ITGBL1: variants seen among roughly 807,000 people sequenced by gnomAD.
ITGBL1 encodes the protein integrin beta-like protein 1.
In ITGBL1, 51 loss-of-function variants were observed where a neutral mutation model predicts 68.5. The ratio of observed to expected loss-of-function variants is 0.74; its 90% CI spans 0.59 to 0.94. The LOEUF (loss-of-function observed/expected upper bound fraction) is 0.94. ITGBL1 is among the 40% of genes least tolerant of loss of function. The pLI is 0.00. For synonymous variants in ITGBL1, 209 were observed against 227.3 expected (o/e 0.92, Z 0.72); for missense variants, 649 against 647.4 (o/e 1.00, Z -0.03).
intron 7 of ITGBL1, among the ~76,000 whole-genome samples, chr13:101,625,360 A>T (rs1424772693): frequency 6.6e-6 from 1 of 152,176 alleles, no homozygotes; most frequent in Non-Finnish European, 1.5e-5. Flanking sequence ...AAGCCTTCGT[A>T]TGTCTTTGCT....
chr13:101,572,175 G>A (rs116588036), intron 3 of ITGBL1, among the ~76,000 whole-genome samples: 154 of 152,086 alleles, frequency 1.0e-3, no homozygotes, highest in African/African-American at 3.5e-3. Context: ...TCCACCCTCC[G>A]AGTTCAGGAC....
At chr13:101,474,864 G>A (rs753372915) in intron 2 of ITGBL1, among the ~76,000 whole-genome samples, 3 of 152,194 alleles carry the variant, frequency 2.0e-5, no homozygotes, top group Non-Finnish European at 4.4e-5. Context: ...CGGCATTACT[G>A]GGCTTGGGGT....
chr13:101,479,854 T>G (rs916647109), intron 2 of ITGBL1, among the ~76,000 whole-genome samples: 3 of 152,060 alleles, frequency 2.0e-5, no homozygotes, highest in African/African-American at 7.2e-5. Context: ...GGAACCCTCT[T>G]ACAGTGTTGG....
At chr13:101,541,574 A>G (rs368881139) in intron 2 of ITGBL1, among the ~76,000 whole-genome samples, 6 of 152,228 alleles carry the variant, frequency 3.9e-5, no homozygotes, top group South Asian at 4.1e-4. Flanking sequence ...CTCATAAAAT[A>G]AGTTAGGGAG....
chr13:101,674,604 A>AT (rs879725232), intron 7 of ITGBL1, among the ~76,000 whole-genome samples: 3 of 151,496 alleles, frequency 2.0e-5, no homozygotes, highest in East Asian at 1.9e-4. Flanking sequence ...TGTTGAGATA[A>AT]TTTTTTTTTC....
intron 7 of ITGBL1, among the ~76,000 whole-genome samples, chr13:101,691,524 A>G (rs1003834282): frequency 6.6e-6 from 1 of 152,188 alleles, no homozygotes; most frequent in African/African-American, 2.4e-5. Context: ...TCTTGTGATT[A>G]TTTCAGTGGG....
intron 2 of ITGBL1, among the ~76,000 whole-genome samples, chr13:101,540,559 C>T (rs191276844): frequency 0.012 from 1,847 of 152,162 alleles, 44 homozygotes; most frequent in African/African-American, 0.042. Context: ...TCCATATGAA[C>T]TTTAAAGTAG....
intron 7 of ITGBL1, among the ~76,000 whole-genome samples, chr13:101,622,911 A>ATGTGTGTGTGTGTG (rs756971096): frequency 1.5e-4 from 17 of 115,044 alleles, no homozygotes; most frequent in South Asian, 7.7e-4. Context: ...TGTGTGGGGT[A>ATGTGTGTGTGTGTG]TGTATGTGTG....
chr13:101,645,555 A>T (rs1418430774), intron 7 of ITGBL1, among the ~76,000 whole-genome samples: 2 of 152,162 alleles, frequency 1.3e-5, no homozygotes, highest in Admixed American at 1.3e-4. Context: ...GGCAACTAGC[A>T]TTCTCATTGC....
At chr13:101,509,203 T>C (rs1378782440) in intron 2 of ITGBL1, among the ~76,000 whole-genome samples, 2 of 152,052 alleles carry the variant, frequency 1.3e-5, no homozygotes, top group African/African-American at 4.8e-5. Flanking sequence ...AGAGAGTTGT[T>C]CATGGAAACT....
intron 7 of ITGBL1, among the ~76,000 whole-genome samples, chr13:101,620,021 T>C (rs181750967): frequency 2.0e-3 from 307 of 152,288 alleles, no homozygotes; most frequent in Non-Finnish European, 3.1e-3. Context: ...TTTTAATGAT[T>C]ACACATTAAC....
At chr13:101,689,046 A>G (rs1233907710) in intron 7 of ITGBL1, among the ~76,000 whole-genome samples, 2 of 32,224 alleles carry the variant, frequency 6.2e-5, no homozygotes, top group East Asian at 2.6e-3. Context: ...AAAAATAGAA[A>G]AAAAAAAAAT....
At chr13:101,576,768 T>G (rs1471962162) in intron 4 of ITGBL1, among the ~76,000 whole-genome samples, 1 of 152,138 alleles carries the variant, frequency 6.6e-6, no homozygotes, top group East Asian at 1.9e-4. Context: ...ACAAACTACC[T>G]GGATAAAACA....
chr13:101,488,626 T>TA (rs1274483929), intron 2 of ITGBL1, among the ~76,000 whole-genome samples: 1 of 152,216 alleles, frequency 6.6e-6, no homozygotes, highest in East Asian at 1.9e-4. Context: ...ACTGAGCATG[T>TA]ACTGTGTGCT....
At chr13:101,529,421 T>C (rs896155280) in intron 2 of ITGBL1, among the ~76,000 whole-genome samples, 1 of 152,106 alleles carries the variant, frequency 6.6e-6, no homozygotes, top group Non-Finnish European at 1.5e-5. Context: ...AAATATGTTC[T>C]AATAAAACTA....
intron 7 of ITGBL1, among the ~76,000 whole-genome samples, chr13:101,619,956 C>T (rs191795515): frequency 4.8e-4 from 73 of 152,124 alleles, no homozygotes; most frequent in Admixed American, 2.2e-3. Context: ...ACTCGTTGCA[C>T]CTATTTGAAG....
At chr13:101,595,702 G>T (rs1339727217) in intron 6 of ITGBL1, among the ~76,000 whole-genome samples, 1 of 152,156 alleles carries the variant, frequency 6.6e-6, no homozygotes, top group Non-Finnish European at 1.5e-5. Flanking sequence ...AAAGATAGAT[G>T]TTGGCAGGGT....
At chr13:101,622,944 T>TGTGTGTGTG (rs1594937161) in intron 7 of ITGBL1, among the ~76,000 whole-genome samples, 4 of 151,218 alleles carry the variant, frequency 2.6e-5, no homozygotes, top group East Asian at 2.0e-4. Context: ...TGTGTGTGTG[T>TGTGTGTGTG]TTTCCTGTAG....
At chr13:101,672,252 T>C (rs955211677) in intron 7 of ITGBL1, among the ~76,000 whole-genome samples, 3 of 152,218 alleles carry the variant, frequency 2.0e-5, no homozygotes, top group African/African-American at 7.2e-5. Flanking sequence ...TAGTTTTTAT[T>C]ATCTATCTGT....
Sources: allele counts gnomAD v4.1 joint callset (sites outside exome capture counted in the v4.1 genomes callset), GRCh38; gene constraint gnomAD v4.1.1; transcripts MANE v1.5; gene names NCBI Gene and HGNC (gene_info 2026-07-23, HGNC 2026-07-21).